Variants in ANKS1B observed in about 807,000 individuals in gnomAD.
The protein encoded by ANKS1B is ankyrin repeat and sterile alpha motif domain-containing protein 1B.
Under a neutral mutation model 148.3 loss-of-function variants are expected in ANKS1B, and 36 were observed. That is an observed-to-expected ratio of 0.24 (90% CI 0.19 to 0.32). The LOEUF (loss-of-function observed/expected upper bound fraction) is 0.32, where lower values mean the gene tolerates loss of function less well. Among genes scored for constraint, ANKS1B ranks in the 10% least tolerant of loss-of-function variants. The pLI, the probability that ANKS1B is intolerant of heterozygous loss-of-function variation, is 1.00. For missense variants in ANKS1B, 1,157 were observed against 1,542.6 expected (o/e 0.75, Z 4.19); for synonymous variants, 542 against 560.8 (o/e 0.97, Z 0.47).
chr12:99,050,690 C>CTTTTTTTTTTTTTTTTT (rs62812561), intron 17 of ANKS1B, among the ~76,000 whole-genome samples: 5 of 113,588 alleles, frequency 4.4e-5, no homozygotes, highest in East Asian at 2.6e-4. Context: ...TTTTCTTTTT[C>CTTTTTTTTTTTTTTTTT]TTTTTTTTTT....
chr12:99,196,907 C>A (rs2081452603), intron 14 of ANKS1B, among the ~76,000 whole-genome samples: 2 of 152,082 alleles, frequency 1.3e-5, no homozygotes, highest in Non-Finnish European at 1.5e-5. Context: ...ATCTCATAAG[C>A]AAAAGAGCTT....
At chr12:98,901,930 C>G (rs11109660) in intron 17 of ANKS1B, among the ~76,000 whole-genome samples, 15,155 of 152,172 alleles carry the variant, frequency 0.1, 1,233 homozygotes, top group East Asian at 0.37. Flanking sequence ...CCAGCACTTA[C>G]CAATTTTATT....
intron 14 of ANKS1B, among the ~76,000 whole-genome samples, chr12:99,239,746 G>C (rs1165941451): frequency 6.6e-6 from 1 of 152,192 alleles, no homozygotes; most frequent in Non-Finnish European, 1.5e-5. Context: ...AGCAAGAAGA[G>C]AGTGGGGGCC....
At chr12:98,945,064 T>A (rs1347397256) in intron 17 of ANKS1B, among the ~76,000 whole-genome samples, 2 of 152,214 alleles carry the variant, frequency 1.3e-5, no homozygotes, top group East Asian at 3.9e-4. Context: ...GATCAGTGAC[T>A]GGAGATCCAC....
At chr12:99,785,416 T>C (rs558788220) in intron 4 of ANKS1B, among the ~76,000 whole-genome samples, 2 of 152,156 alleles carry the variant, frequency 1.3e-5, no homozygotes, top group East Asian at 1.9e-4. Flanking sequence ...TAACATACAA[T>C]GTAAAAACTC....
intron 9 of ANKS1B, among the ~76,000 whole-genome samples, chr12:99,515,133 G>T (rs2096803808): frequency 6.6e-6 from 1 of 151,718 alleles, no homozygotes; most frequent in Non-Finnish European, 1.5e-5. Flanking sequence ...TGGAAAATGG[G>T]GTATCCATCC....
chr12:99,100,327 T>C (rs2057555786), intron 15 of ANKS1B, among the ~76,000 whole-genome samples: 1 of 152,226 alleles, frequency 6.6e-6, no homozygotes, highest in African/African-American at 2.4e-5. Flanking sequence ...TCTTTATTCA[T>C]TGACTTATTC....
chr12:98,890,004 C>A (rs919319067), intron 17 of ANKS1B, among the ~76,000 whole-genome samples: 1 of 151,954 alleles, frequency 6.6e-6, no homozygotes, highest in African/African-American at 2.4e-5. Context: ...ATAAGAGCAG[C>A]GAACGAGAGG....
chr12:99,825,372 T>G lies in ANKS1B; in HGVS notation c.152A>C (p.Asn51Thr). The part of the protein sequence containing the change: ...SNLLSIWRGP[N>T]VNCTDSSGYT... ...ACCCGAACTGTCTGTGCAGTTCACA[T>G]TGGGGCCTCGCCAGATGCTGCAAAT... Residue 51 changes from asparagine to threonine, a missense_variant, in exon 2 of 27, where the codon AAT (asparagine) becomes ACT (threonine). By Grantham distance (65) the Asn-to-Thr change is moderately conservative. Around this residue, in one of 6 missense-constraint regions of ANKS1B, gnomAD observed 164 missense variants for 232.6 expected, o/e 0.71. Transcript: ENST00000683438. The G allele has an allele frequency of 3.1e-6, 5 of 1,611,400 alleles. No homozygotes were observed. The highest frequency in any genetic ancestry group is 4.2e-6 in the Non-Finnish European group (5 of 1,178,744).
chr12:99,522,956 T>TA (rs1394363980), intron 9 of ANKS1B, among the ~76,000 whole-genome samples: 6 of 152,172 alleles, frequency 3.9e-5, no homozygotes, highest in African/African-American at 1.4e-4. Context: ...CCTTCTGACT[T>TA]ACGAAAGATC....
At chr12:99,120,087 C>T (rs2062379793) in intron 15 of ANKS1B, among the ~76,000 whole-genome samples, 1 of 152,200 alleles carries the variant, frequency 6.6e-6, no homozygotes, top group Non-Finnish European at 1.5e-5. Context: ...GGGAACGCAC[C>T]CTGGACGGGA....
At chr12:99,270,444 C>T (rs1388498092) in intron 12 of ANKS1B, among the ~76,000 whole-genome samples, 1 of 152,082 alleles carries the variant, frequency 6.6e-6, no homozygotes, top group South Asian at 2.1e-4. Flanking sequence ...TTTTATTTAC[C>T]TGAGGTTACT....
chr12:99,815,014 A>C (rs1387825883), intron 2 of ANKS1B, among the ~76,000 whole-genome samples: 4 of 151,820 alleles, frequency 2.6e-5, no homozygotes, highest in Non-Finnish European at 5.9e-5. Context: ...CTGTGAGAAG[A>C]GAAAAATTTC....
At chr12:99,653,989 C>T (rs919335213) in intron 9 of ANKS1B, among the ~76,000 whole-genome samples, 6 of 152,168 alleles carry the variant, frequency 3.9e-5, no homozygotes, top group Middle Eastern at 3.4e-3. Context: ...CCAGGAACTA[C>T]GCGTTAGACT....
chr12:98,898,866 AT>A (rs1172623199), intron 17 of ANKS1B, among the ~76,000 whole-genome samples: 2 of 152,172 alleles, frequency 1.3e-5, no homozygotes, highest in Non-Finnish European at 2.9e-5. Context: ...CAAAGCATTA[AT>A]TTCATTACAG....
At chr12:99,405,863 A>G (rs2094519506) in intron 11 of ANKS1B, among the ~76,000 whole-genome samples, 1 of 145,614 alleles carries the variant, frequency 6.9e-6, no homozygotes, top group African/African-American at 2.6e-5. Context: ...CCATGCAAAT[A>G]AAAATCAAAA....
chr12:99,160,679 C>G (rs905896518), intron 14 of ANKS1B, among the ~76,000 whole-genome samples: 1 of 152,080 alleles, frequency 6.6e-6, no homozygotes, highest in Non-Finnish European at 1.5e-5. Flanking sequence ...TGAGGTCTTA[C>G]TTTAAATCTT....
chr12:99,132,022 A>G lies in ANKS1B; in HGVS notation c.2526+22267T>C, dbSNP rs117279284. ...TGCTCCTCCCCTCCCCCAGCTGCCT[A>G]CCAACTCCTTCCCACCCCCAGGCCA... is the stretch of plus-strand genomic sequence containing the variant. On this transcript the variant is annotated intron_variant, in intron 15 of 26. Transcript: ENST00000683438. Among the ~76,000 whole-genome samples the G allele has an allele frequency of 4.1e-3, 628 of 151,698 alleles. 26 individuals carry two copies. The East Asian group carries it at 0.09, about 22-fold the overall frequency.
chr12:99,597,097 T>C (rs1184513106), intron 9 of ANKS1B, among the ~76,000 whole-genome samples: 3 of 151,994 alleles, frequency 2.0e-5, no homozygotes, highest in South Asian at 2.1e-4. Context: ...AACACTAATA[T>C]TGTCCATCTT....
Sources: allele counts gnomAD v4.1 joint callset (sites outside exome capture counted in the v4.1 genomes callset), GRCh38; gene constraint gnomAD v4.1.1; regional missense constraint gnomAD v4.1.1; transcripts MANE v1.5; gene names NCBI Gene and HGNC (gene_info 2026-07-23, HGNC 2026-07-21).